Variants in SLC35D4 observed in about 807,000 individuals in gnomAD.
SLC35D4 encodes solute carrier family 35 member D4, also known as UDP-N-acetylglucosamine transporter SLC35D4.
the SLC35D4 span, among the ~76,000 whole-genome samples, chr18:23,313,454 T>C: frequency 2.8e-4 from 42 of 152,064 alleles, no homozygotes; most frequent in South Asian, 5.6e-3. Context: ...AGGAATGCAC[T>C]GGTGTGAGTG....
the SLC35D4 span, among the ~76,000 whole-genome samples, chr18:23,421,891 G>A: frequency 6.6e-6 from 1 of 151,528 alleles, no homozygotes; most frequent in Non-Finnish European, 1.5e-5. Flanking sequence ...GTTAGCCAGG[G>A]TGGTCTCAAT....
At chr18:23,367,002 T>TA in the SLC35D4 span, among the ~76,000 whole-genome samples, 1 of 152,182 alleles carries the variant, frequency 6.6e-6, no homozygotes, top group Non-Finnish European at 1.5e-5. Flanking sequence ...ATATACCCTG[T>TA]ATATACTCCA....
At chr18:23,245,258 A>T in the SLC35D4 span, among the ~76,000 whole-genome samples, 1 of 152,160 alleles carries the variant, frequency 6.6e-6, no homozygotes, top group Non-Finnish European at 1.5e-5. Context: ...CTGTAACCCC[A>T]ACGCTTTGGG....
chr18:23,428,832 C>A, the SLC35D4 span, among the ~76,000 whole-genome samples: 9 of 152,140 alleles, frequency 5.9e-5, no homozygotes, highest in Admixed American at 2.6e-4. Context: ...TCCTTACTTA[C>A]CTCTCTCCCT....
chr18:23,334,992 G>A, the SLC35D4 span, among the ~76,000 whole-genome samples: 4 of 151,496 alleles, frequency 2.6e-5, no homozygotes, highest in South Asian at 4.2e-4. Context: ...GCGACAGAGC[G>A]AGACTCTGTC....
the SLC35D4 span, among the ~76,000 whole-genome samples, chr18:23,385,628 A>G: frequency 1.3e-5 from 2 of 152,146 alleles, no homozygotes; most frequent in Admixed American, 1.3e-4. Flanking sequence ...GTGGAACATA[A>G]TGAGGAAGGG....
the SLC35D4 span, among the ~76,000 whole-genome samples, chr18:23,423,754 C>A: frequency 6.6e-6 from 1 of 152,136 alleles, no homozygotes; most frequent in African/African-American, 2.4e-5. Flanking sequence ...GAGCAAAAAC[C>A]CAAAGTGTGT....
chr18:23,324,879 G>GA, the SLC35D4 span, among the ~76,000 whole-genome samples: 2 of 152,120 alleles, frequency 1.3e-5, no homozygotes, highest in Non-Finnish European at 1.5e-5. Context: ...CGAAGAGAGT[G>GA]AAAAAATCAT....
At chr18:23,308,445 T>C in the SLC35D4 span, among the ~76,000 whole-genome samples, 1 of 152,148 alleles carries the variant, frequency 6.6e-6, no homozygotes, top group Admixed American at 6.5e-5. Flanking sequence ...TCACACAACA[T>C]TCTCCATCTC....
chr18:23,381,816 C>T, the SLC35D4 span, among the ~76,000 whole-genome samples: 1 of 152,192 alleles, frequency 6.6e-6, no homozygotes, highest in Non-Finnish European at 1.5e-5. Context: ...TCAGTCCTAC[C>T]GTCACCCTCA....
the SLC35D4 span, among the ~76,000 whole-genome samples, chr18:23,400,487 G>C: frequency 6.6e-6 from 1 of 152,170 alleles, no homozygotes; most frequent in Non-Finnish European, 1.5e-5. Context: ...AGCCAGGCAT[G>C]GTGGTGGCGA....
the SLC35D4 span, among the ~76,000 whole-genome samples, chr18:23,250,852 G>A: frequency 6.6e-6 from 1 of 152,246 alleles, no homozygotes; most frequent in Non-Finnish European, 1.5e-5. Flanking sequence ...TGGAATTGTT[G>A]GAGTTAATAT....
chr18:23,407,611 CAACA>C, the SLC35D4 span, among the ~76,000 whole-genome samples: 4 of 151,446 alleles, frequency 2.6e-5, no homozygotes, highest in African/African-American at 9.7e-5. Flanking sequence ...TATAAATGGC[CAACA>C]AACATATGAA....
At chr18:23,414,507 T>C in the SLC35D4 span, among the ~76,000 whole-genome samples, 1 of 151,672 alleles carries the variant, frequency 6.6e-6, no homozygotes, top group Admixed American at 6.6e-5. Context: ...ATCTCGTCTC[T>C]TCTAAAAGTA....
At chr18:23,319,727 C>T in the SLC35D4 span, among the ~76,000 whole-genome samples, 1 of 152,212 alleles carries the variant, frequency 6.6e-6, no homozygotes, top group Non-Finnish European at 1.5e-5. Flanking sequence ...GCATGAGCCA[C>T]CGCGCCCTGC....
chr18:23,305,283 A>G, the SLC35D4 span, among the ~76,000 whole-genome samples: 1 of 152,216 alleles, frequency 6.6e-6, no homozygotes, highest in Admixed American at 6.5e-5. Flanking sequence ...AGGGAGGATC[A>G]CAGTGGTGGG....
the SLC35D4 span, among the ~76,000 whole-genome samples, chr18:23,267,517 C>T: frequency 6.6e-6 from 1 of 152,112 alleles, no homozygotes; most frequent in South Asian, 2.1e-4. Context: ...TTTCCTCCCC[C>T]CAGGACACTC....
the SLC35D4 span, among the ~76,000 whole-genome samples, chr18:23,388,987 C>CTTT: frequency 1.6e-4 from 20 of 126,168 alleles, no homozygotes; most frequent in African/African-American, 2.2e-4. Context: ...TCAAGTAGTT[C>CTTT]TTTTTTTTTT....
At chr18:23,349,160 C>T in the SLC35D4 span, among the ~76,000 whole-genome samples, 1 of 152,150 alleles carries the variant, frequency 6.6e-6, no homozygotes, top group African/African-American at 2.4e-5. Flanking sequence ...GTTTATCTTA[C>T]TTGGGACTCA....
Sources: allele counts gnomAD v4.1 joint callset (sites outside exome capture counted in the v4.1 genomes callset), GRCh38; gene constraint gnomAD v4.1.1; transcripts MANE v1.5; gene names NCBI Gene and HGNC (gene_info 2026-07-23, HGNC 2026-07-21).